Variants in CDH22 observed in about 807,000 individuals in gnomAD.
CDH22 encodes the protein cadherin 22, also known as cadherin-22.
CDH22 carries 30 observed loss-of-function variants against 58.4 expected under a neutral mutation model. That is an observed-to-expected ratio of 0.51 (90% confidence interval 0.38 to 0.70). The LOEUF is 0.70. CDH22 is among the 30% of genes least tolerant of loss of function. The pLI, the probability that CDH22 is intolerant of heterozygous loss-of-function variation, is 0.00. For missense variants in CDH22, 1,014 were observed against 1,233.9 expected (o/e 0.82, Z 2.67); for synonymous variants, 513 against 558.2 (o/e 0.92, Z 1.14).
intron 7 of CDH22, among the ~76,000 whole-genome samples, chr20:46,208,048 A>ATCTG (rs2086013568): frequency 6.6e-6 from 1 of 152,246 alleles, no homozygotes; most frequent in Non-Finnish European, 1.5e-5. Flanking sequence ...CACAATGCAG[A>ATCTG]GGTCCTCAAA....
intron 1 of CDH22, among the ~76,000 whole-genome samples, chr20:46,261,879 C>T (rs2086434679): frequency 6.6e-6 from 1 of 152,092 alleles, no homozygotes; most frequent in African/African-American, 2.4e-5. Flanking sequence ...TTGCCTCCTA[C>T]CCCTAGGTAT....
At chr20:46,226,801 C>T (rs999132572) in intron 4 of CDH22, among the ~76,000 whole-genome samples, 2 of 152,216 alleles carry the variant, frequency 1.3e-5, no homozygotes, top group Non-Finnish European at 2.9e-5. Flanking sequence ...GAATTGGCAG[C>T]CACTCCCAGC....
chr20:46,232,710 G>A (rs1300683978), intron 3 of CDH22, among the ~76,000 whole-genome samples: 1 of 152,106 alleles, frequency 6.6e-6, no homozygotes, highest in Non-Finnish European at 1.5e-5. Context: ...CGAGTCTCTG[G>A]GAACGCTCAG....
rs767621231 is a variant in CDH22 at position 46,210,536 on chromosome 20, C to G, written c.1057G>C (p.Val353Leu). Reference protein sequence around the residue: ...QKRLDFESQPVHTVILEALNK... With the variant: ...QKRLDFESQPLHTVILEALNK... ...AGGGCCTCCAGGATCACGGTGTGCACGGGCTGGGATTCGAAGTCCAGGCGC... is the reference window on the plus strand; with the variant it reads ...AGGGCCTCCAGGATCACGGTGTGCAGGGGCTGGGATTCGAAGTCCAGGCGC... Residue 353 changes from valine (V) to leucine (L), a missense_variant, in exon 7 of 12, where the codon GTG becomes CTG. Physicochemically the swap from Val to Leu is conservative, Grantham distance 32. Around this residue, in one of 2 missense-constraint regions of CDH22, gnomAD observed 806 missense variants for 1,038.7 expected, o/e 0.78. Coordinates refer to ENST00000537909, the MANE Select transcript of CDH22 (RefSeq NM_021248.3). This position sits in a 1 kb window ranked among gnomAD's most constrained non-coding sequence, Gnocchi z 4.5. 2.1e-6 allele frequency: 3 copies of G among 1,429,730 alleles called. No individual in the cohort carries two copies. The highest frequency in any genetic ancestry group is 1.8e-6 in the Non-Finnish European group (2 of 1,088,582). 88.6% of individuals were successfully genotyped at this position (1,429,730 alleles called of 1,614,324 possible).
intron 1 of CDH22, among the ~76,000 whole-genome samples, chr20:46,283,757 A>G (rs945335893): frequency 1.4e-5 from 2 of 144,952 alleles, no homozygotes; most frequent in Admixed American, 7.2e-5. Flanking sequence ...GCAGCTTCAC[A>G]TGGAGTCCCG....
intron 1 of CDH22, among the ~76,000 whole-genome samples, chr20:46,282,706 T>A (rs1343684987): frequency 6.6e-6 from 1 of 152,126 alleles, no homozygotes; most frequent in East Asian, 1.9e-4. Flanking sequence ...GATGTTCCCG[T>A]CGTCTTCTCA....
chr20:46,223,817 T>TCTTTCTTC (rs1905221765), intron 4 of CDH22, among the ~76,000 whole-genome samples: 1 of 138,070 alleles, frequency 7.2e-6, no homozygotes, highest in African/African-American at 2.8e-5. Context: ...TTTCTTCCTT[T>TCTTTCTTC]CTTCCTTCCT....
chr20:46,296,239 TC>T, intron 1 of CDH22, among the ~76,000 whole-genome samples: 1 of 152,322 alleles, frequency 6.6e-6, no homozygotes, highest in Non-Finnish European at 1.5e-5. Flanking sequence ...CAGCCCGAAG[TC>T]CTGATCTGGC....
chr20:46,222,942 C>A (rs188980325), intron 4 of CDH22, among the ~76,000 whole-genome samples: 1 of 152,374 alleles, frequency 6.6e-6, no homozygotes, highest in Non-Finnish European at 1.5e-5. Flanking sequence ...TAAATATAGA[C>A]CCGCATCAGC....
chr20:46,213,248 C>A, intron 5 of CDH22, 60 bp from the exon 6 acceptor site: 4 of 1,392,624 alleles, frequency 2.9e-6, no homozygotes, highest in Non-Finnish European at 4.0e-6. Context: ...CCTCTGCCAG[C>A]AGTGGGGGAG....
At chr20:46,191,052 T>A (rs560473709) in intron 8 of CDH22, among the ~76,000 whole-genome samples, 2 of 152,132 alleles carry the variant, frequency 1.3e-5, no homozygotes, top group African/African-American at 4.8e-5. Context: ...GACTCAGCAG[T>A]GAACAAGACA....
intron 5 of CDH22, among the ~76,000 whole-genome samples, chr20:46,215,215 G>T (rs182901416): frequency 1.3e-5 from 2 of 152,292 alleles, no homozygotes; most frequent in Admixed American, 1.3e-4. Flanking sequence ...GGGGCAATAA[G>T]GTTCAAAGCA....
intron 1 of CDH22, among the ~76,000 whole-genome samples, chr20:46,279,700 G>A (rs1219158463): frequency 6.6e-6 from 1 of 152,248 alleles, no homozygotes; most frequent in Admixed American, 6.5e-5. Flanking sequence ...CCAGATTGGA[G>A]GTGGTGGGGA....
In CDH22 at chr20:46,174,083, G is replaced by T. The variant is rs887669133; in HGVS notation, c.*423C>A. On this transcript the variant is annotated 3_prime_UTR_variant, in exon 12 of 12. Transcript: ENST00000537909. This position sits in a 1 kb window ranked among gnomAD's most constrained non-coding sequence, Gnocchi z 4.4. ...CTGTACAGCGTCCCAGCACACAGTA[G>T]GTGCTTAGTAAGTGAACAGCCTTCT... 4 of 207,514 alleles carry T rather than the reference G, an allele frequency of 1.9e-5. No individual in the cohort carries two copies. Among genetic ancestry groups the T allele is most frequent in the African/African-American group, 9.5e-5 (4 of 42,294 alleles). The allele number at this position is 207,514 out of a possible 1,614,324, so 12.9% of individuals were successfully genotyped here. A position where few individuals can be genotyped will look rare whatever the true frequency, so the allele number is the denominator to read the frequency against.
chr20:46,283,620 T>C lies in CDH22; in HGVS notation c.-400+24635A>G, dbSNP rs1184709328. On this transcript the variant is annotated intron_variant, in intron 1 of 11. Transcript: ENST00000537909. ...GTCAGCGGCAGGGAATCCAGACCTC[T>C]AGGAGCTTGGCAGACCATGTGTGTC... Among the ~76,000 whole-genome samples, 4 of 152,280 alleles carry C rather than the reference T, an allele frequency of 2.6e-5. No individual in the cohort carries two copies. The East Asian group carries it at 7.7e-4, about 29-fold the overall frequency.
intron 1 of CDH22, among the ~76,000 whole-genome samples, chr20:46,265,608 C>T (rs1257003675): frequency 6.6e-6 from 1 of 152,080 alleles, no homozygotes; most frequent in Non-Finnish European, 1.5e-5. Context: ...TTAGTTTAGT[C>T]TTGCTTGTTT....
At chr20:46,307,134 G>A (rs1401911616) in intron 1 of CDH22, among the ~76,000 whole-genome samples, 1 of 152,234 alleles carries the variant, frequency 6.6e-6, no homozygotes, top group East Asian at 1.9e-4. Context: ...CGCAACCCTG[G>A]CGACGCCCGA....
intron 8 of CDH22, 56 bp downstream of exon 8, chr20:46,199,367 G>C: frequency 6.4e-7 from 1 of 1,574,060 alleles, no homozygotes; most frequent in East Asian, 2.3e-5. Flanking sequence ...CCTCCCTTCA[G>C]CTTTTGCTCC....
At position 46,179,085 on chromosome 20, in the gene CDH22, G is replaced by A. The variant is rs11698645; in HGVS notation, c.1664-888C>T. 4.0e-4 allele frequency among the ~76,000 whole-genome samples: 61 copies of A among 152,304 alleles called. No individual in the cohort carries two copies. In the South Asian group the frequency reaches 8.1e-3, roughly 20 times the overall value. Reference sequence around the variant, plus strand: ...GGTGACAGGTGGCACCCCCTTCTCCGCCCTTTCTGCCTCCTTCACACCTGT... The same window carrying A: ...GGTGACAGGTGGCACCCCCTTCTCCACCCTTTCTGCCTCCTTCACACCTGT... On this transcript the variant is annotated intron_variant, in intron 10 of 11. Coordinates refer to ENST00000537909, the MANE Select transcript of CDH22 (RefSeq NM_021248.3).
Sources: allele counts gnomAD v4.1 joint callset (sites outside exome capture counted in the v4.1 genomes callset), GRCh38; gene constraint gnomAD v4.1.1; regional missense constraint gnomAD v4.1.1; non-coding constraint Gnocchi (gnomAD v3.1); transcripts MANE v1.5; gene names NCBI Gene and HGNC (gene_info 2026-07-23, HGNC 2026-07-21).